The following PPRC1 variants were observed in gnomAD, a reference collection of about 807,000 sequenced individuals.
The protein encoded by PPRC1 is peroxisome proliferator-activated receptor gamma coactivator-related protein 1.
PPRC1 carries 23 observed loss-of-function variants against 132.5 expected under a neutral mutation model. The ratio of observed to expected loss-of-function variants is 0.17; its 90% CI spans 0.12 to 0.25. The LOEUF is 0.25. PPRC1 is among the 10% of genes least tolerant of loss of function. The probability of loss-of-function intolerance (pLI) is 1.00; values close to 1 mark genes in which losing one functional copy is unlikely to be tolerated. For missense variants in PPRC1, 2,006 were observed against 2,089.1 expected, an observed-to-expected ratio of 0.96 and a Z score of 0.78; for synonymous variants, 872 against 833.5, an observed-to-expected ratio of 1.05 and a Z score of -0.80.
In PPRC1 at chr10:102,148,393, A is replaced by C; in HGVS notation, c.4422A>C (p.Gly1474=). 6.2e-7 allele frequency: 1 copy of C among 1,613,228 alleles called. No individual in the cohort carries two copies. The change falls in exon 10 of 14, where the codon GGA becomes GGC. Residue 1474 remains glycine (G), a synonymous_variant. Transcript: ENST00000278070. The surrounding 1 kb of genome is among the most constrained non-coding windows in gnomAD (Gnocchi z 4.2). The stretch of plus-strand genomic sequence containing the variant: ...TCAGGTCCAGCTGTAGTTCCTCTGG[A>C]CGTTCTCGAAGATGCTCTTCCTCTT... ...RWRRSSCSSS[G]RSRRCSSSSS...
Position 102,140,380 on chromosome 10 carries a change from T to A in PPRC1, c.1872T>A (p.Pro624=). The A allele has an allele frequency of 1.2e-6, 2 of 1,614,138 alleles. No individual in the cohort carries two copies. Among genetic ancestry groups the A allele is most frequent in the Non-Finnish European group, 1.7e-6 (2 of 1,180,016 alleles). ...CAACCAGCTCAGAACTGGTTGAGCC[T>A]CTCCCGGCTGAGCCAGTGCTGATCA... ...LASTSSELVE[P]LPAEPVLINP... is the part of the protein sequence containing the mutation. Residue 624 remains proline, a synonymous_variant, in exon 5 of 14, where the codon CCT becomes CCA. Transcript: ENST00000278070.
Position 102,141,963 on chromosome 10 carries a change from A to G in PPRC1, c.3455A>G (p.Gln1152Arg). ...TCCTTCCTGCCTACCCCACGTACTCAGGGTTCTGAAGATGTGGTACAGGCT... is the reference window on the plus strand; with the variant it reads ...TCCTTCCTGCCTACCCCACGTACTCGGGGTTCTGAAGATGTGGTACAGGCT... ...KLSFLPTPRTQGSEDVVQAFI... is the reference protein window; with the variant it reads ...KLSFLPTPRTRGSEDVVQAFI... Residue 1152 changes from glutamine (Q) to arginine (R), a missense_variant, in exon 5 of 14, where the codon CAG (glutamine) becomes CGG (arginine). Gln to Arg is a conservative substitution (Grantham distance 43). This residue lies in a region of PPRC1 where 1,914 missense variants were observed against 1,917.2 expected (regional missense o/e 1.00). Coordinates refer to ENST00000278070, the MANE Select transcript of PPRC1 (RefSeq NM_015062.5). 6.2e-7 allele frequency: 1 copy of G among 1,613,592 alleles called. No individual in the cohort carries two copies. Among genetic ancestry groups the G allele is most frequent in the Non-Finnish European group, 8.5e-7 (1 of 1,179,704 alleles).
In PPRC1 at chr10:102,137,855, G is replaced by A; in HGVS notation, c.159G>A (p.Leu53=). The change falls in exon 2 of 14, where the codon CTG becomes CTA. Residue 53 remains leucine (L), a synonymous_variant. Transcript: ENST00000278070. ...CACCTTCTTCTCTGCTCCAGGTGCT[G>A]CTGCATGAGGAGGCGGGTGATTCTG... ...LGAVSGGEQV[L]LHEEAGDSGF... is the part of the protein sequence containing the mutation. 1 of 1,613,666 alleles carries A rather than the reference G, an allele frequency of 6.2e-7. No homozygotes were observed. The highest frequency in any genetic ancestry group is 8.5e-7 in the Non-Finnish European group (1 of 1,179,822).
chr10:102,123,606 CA>C, the PPRC1 span, among the ~76,000 whole-genome samples: 1 of 152,232 alleles, frequency 6.6e-6, no homozygotes, highest in East Asian at 1.9e-4. Flanking sequence ...CAGCTCACTG[CA>C]ACCTCCACCT....
the PPRC1 span, among the ~76,000 whole-genome samples, chr10:102,125,061 G>C: frequency 6.6e-6 from 1 of 151,996 alleles, no homozygotes; most frequent in South Asian, 2.1e-4. Context: ...GGGACTACAG[G>C]CCCGTACCAC....
chr10:102,124,621 G>A, the PPRC1 span, among the ~76,000 whole-genome samples: 7 of 149,660 alleles, frequency 4.7e-5, no homozygotes, highest in Non-Finnish European at 7.4e-5. Context: ...GATTACAGGC[G>A]TGAGCCACTG....
chr10:102,143,154 G>A, intron 6 of PPRC1, 56 bp downstream of exon 6: 2 of 1,534,152 alleles, frequency 1.3e-6, no homozygotes, highest in Non-Finnish European at 1.8e-6. Flanking sequence ...ACTTTTTTGG[G>A]CCCAGCCCTG....
Position 102,141,056 on chromosome 10 carries a change from C to G in PPRC1, c.2548C>G (p.Gln850Glu). ...ASSPTEQVPSQEMPLLARPSP... is the reference protein window; with the variant it reads ...ASSPTEQVPSEEMPLLARPSP... ...ATCTCCCACTGAGCAGGTGCCATCC[C>G]AGGAGATGCCACTGTTGGCGAGACC... Residue 850 changes from glutamine (Q) to glutamate (E), a missense_variant, in exon 5 of 14, where the codon CAG (glutamine) becomes GAG (glutamate). Physicochemically the swap from Gln to Glu is conservative, Grantham distance 29. This residue lies in a region of PPRC1 where 1,914 missense variants were observed against 1,917.2 expected (regional missense o/e 1.00). Transcript: ENST00000278070. The G allele has an allele frequency of 1.2e-6, 2 of 1,614,178 alleles. No individual in the cohort carries two copies. Among genetic ancestry groups the G allele is most frequent in the South Asian group, 2.2e-5 (2 of 91,088 alleles).
At chr10:102,125,887 A>T in the PPRC1 span, among the ~76,000 whole-genome samples, 1 of 141,604 alleles carries the variant, frequency 7.1e-6, no homozygotes. Context: ...TTTTAGACAG[A>T]GTTTCGCTCT....
rs754938904 is a variant in PPRC1 at position 102,149,218 on chromosome 10, G to C, written c.4780G>C (p.Ala1594Pro). The change falls in exon 13 of 14, where the codon GCA becomes CCA. Residue 1594 changes from alanine to proline, a missense_variant. Around this residue, in one of 2 missense-constraint regions of PPRC1, gnomAD observed 92 missense variants for 171.9 expected, o/e 0.54. Coordinates refer to ENST00000278070, the MANE Select transcript of PPRC1 (RefSeq NM_015062.5). ...GFVTYRYAEE[A>P]FAAIESGHKL... ...CGTCACTTATCGCTATGCTGAGGAG[G>C]CATTTGCAGCCATTGAGAGTGGCCA... The C allele has an allele frequency of 6.2e-7, 1 of 1,609,840 alleles. No individual in the cohort carries two copies. Among genetic ancestry groups the C allele is most frequent in the Non-Finnish European group, 8.5e-7 (1 of 1,177,710 alleles).
At chr10:102,124,888 C>T in the PPRC1 span, among the ~76,000 whole-genome samples, 3 of 151,966 alleles carry the variant, frequency 2.0e-5, no homozygotes, top group African/African-American at 7.3e-5. Context: ...TCAAGTGATC[C>T]TCCTGCCTTG....
chr10:102,139,793 A>C lies in PPRC1; in HGVS notation c.1285A>C (p.Lys429Gln). Residue 429 changes from lysine (K) to glutamine (Q), a missense_variant, in exon 5 of 14, where the codon AAG (lysine) becomes CAG (glutamine). Physicochemically the swap from Lys to Gln is moderately conservative, Grantham distance 53 (BLOSUM62 1). Around this residue, in one of 2 missense-constraint regions of PPRC1, gnomAD observed 1,914 missense variants for 1,917.2 expected, o/e 1.00. Coordinates refer to ENST00000278070, the MANE Select transcript of PPRC1 (RefSeq NM_015062.5). Reference sequence around the variant, plus strand: ...GAAGCTGGACTCAGCCTGCTTATTGAAGCCCAGGGAGGTCGTGGAGCCGGT... The same window carrying C: ...GAAGCTGGACTCAGCCTGCTTATTGCAGCCCAGGGAGGTCGTGGAGCCGGT... ...EEKLDSACLL[K>Q]PREVVEPVVP... 1.9e-6 allele frequency: 3 copies of C among 1,614,200 alleles called. No individual in the cohort carries two copies. The highest frequency in any genetic ancestry group is 2.5e-6 in the Non-Finnish European group (3 of 1,180,034).
At chr10:102,131,566 AAGAT>A (rs1375475934), upstream of PPRC1, among the ~76,000 whole-genome samples, 1 of 152,252 alleles carries the variant, frequency 6.6e-6, no homozygotes, top group Non-Finnish European at 1.5e-5. Context: ...ATTCCACAGA[AAGAT>A]TGCACAAAAG....
intron 7 of PPRC1, 87 bp from the exon 8 acceptor site, chr10:102,144,932 AC>A: frequency 6.4e-6 from 6 of 935,106 alleles, no homozygotes; most frequent in Non-Finnish European, 8.4e-6. Flanking sequence ...CTCTGCACCC[AC>A]CCCCTCCCAT....
At chr10:102,124,216 C>T in the PPRC1 span, among the ~76,000 whole-genome samples, 1 of 152,100 alleles carries the variant, frequency 6.6e-6, no homozygotes, top group African/African-American at 2.4e-5. Flanking sequence ...CAGGCACCAC[C>T]ACCACACCTG....
At chr10:102,134,418 C>T (rs2068646598) in intron 1 of PPRC1, among the ~76,000 whole-genome samples, 1 of 152,112 alleles carries the variant, frequency 6.6e-6, no homozygotes. Flanking sequence ...TGTTATTGTT[C>T]TACTCTACAG....
At position 102,144,384 on chromosome 10, in the gene PPRC1, G is replaced by A. The variant is rs566872466; in HGVS notation, c.3608+77G>A. The A allele has an allele frequency of 3.7e-5, 52 of 1,409,668 alleles. No individual in the cohort carries two copies. In the African/African-American group the frequency reaches 6.2e-4, roughly 17 times the overall value. The allele number at this position is 1,409,668 out of a possible 1,614,324, so 87.3% of individuals were successfully genotyped here. A position where few individuals can be genotyped will look rare whatever the true frequency, so the allele number is the denominator to read the frequency against. ...GCTGACACTCCAGGACTGTCAACTG[G>A]ATGCCTCTGTTGCAGGGACGCTGTA... On this transcript the variant is annotated intron_variant, in intron 7 of 13. Transcript: ENST00000278070.
intron 2 of PPRC1, 87 bp downstream of exon 2, chr10:102,138,125 C>A: frequency 7.2e-7 from 1 of 1,386,298 alleles, no homozygotes; most frequent in East Asian, 2.4e-5. Context: ...CTCTGCTCTC[C>A]CAGGACCTTA....
upstream of PPRC1, among the ~76,000 whole-genome samples, chr10:102,132,556 A>G (rs2068563548): frequency 6.6e-6 from 1 of 152,206 alleles, no homozygotes; most frequent in African/African-American, 2.4e-5. Context: ...AGAACGCGAC[A>G]TTTTCCGATT....
Sources: allele counts gnomAD v4.1 joint callset (sites outside exome capture counted in the v4.1 genomes callset), GRCh38; gene constraint gnomAD v4.1.1; regional missense constraint gnomAD v4.1.1; non-coding constraint Gnocchi (gnomAD v3.1); transcripts MANE v1.5; gene names NCBI Gene and HGNC (gene_info 2026-07-23, HGNC 2026-07-21).